Variants in SEMA3C observed in about 807,000 individuals in gnomAD.
SEMA3C encodes semaphorin 3C, also known as semaphorin-3C.
In SEMA3C, 47 loss-of-function variants were observed where a neutral mutation model predicts 89.4. The ratio of observed to expected loss-of-function variants is 0.53; its 90% CI spans 0.42 to 0.67. The LOEUF (loss-of-function observed/expected upper bound fraction) is 0.67. Ranked by LOEUF, SEMA3C falls within the 30% of genes least tolerant of loss-of-function variation. The probability of loss-of-function intolerance (pLI) is 0.00; values close to 1 mark genes in which losing one functional copy is unlikely to be tolerated. For synonymous variants in SEMA3C, 310 were observed against 320.2 expected (o/e 0.97, Z 0.34); for missense variants, 839 against 929.1 (o/e 0.90, Z 1.26).
intron 2 of SEMA3C, among the ~76,000 whole-genome samples, chr7:80,894,548 C>G (rs1204655797): frequency 2.6e-5 from 4 of 152,078 alleles, no homozygotes; most frequent in African/African-American, 9.7e-5. Context: ...GATTTGAACC[C>G]AGTCTGATGC....
chr7:80,879,382 C>T (rs776626601), intron 2 of SEMA3C, among the ~76,000 whole-genome samples: 30 of 152,084 alleles, frequency 2.0e-4, no homozygotes, highest in Non-Finnish European at 3.2e-4. Context: ...ATGAAATAAC[C>T]TTCACAAAAG....
intron 2 of SEMA3C, among the ~76,000 whole-genome samples, chr7:80,906,479 A>C (rs1043034333): frequency 3.9e-5 from 6 of 152,134 alleles, no homozygotes; most frequent in Non-Finnish European, 8.8e-5. Context: ...TGAAGCTTTC[A>C]CCATTTCATG....
intron 9 of SEMA3C, among the ~76,000 whole-genome samples, chr7:80,801,379 T>A (rs912486508): frequency 2.6e-5 from 4 of 152,106 alleles, no homozygotes; most frequent in Non-Finnish European, 4.4e-5. Flanking sequence ...AAATTGCTAG[T>A]GATACTTTTA....
chr7:80,745,852 G>A (rs1787788234), intron 17 of SEMA3C, among the ~76,000 whole-genome samples: 1 of 151,980 alleles, frequency 6.6e-6, no homozygotes, highest in South Asian at 2.1e-4. Context: ...ATTATCAAGG[G>A]CCTTTTTCAA....
intron 2 of SEMA3C, among the ~76,000 whole-genome samples, chr7:80,839,734 G>T (rs191951612): frequency 6.6e-6 from 1 of 152,022 alleles, no homozygotes; most frequent in East Asian, 1.9e-4. Context: ...TCAGACCAAT[G>T]TGTGTGCATT....
At chr7:80,895,140 C>A (rs936212605) in intron 2 of SEMA3C, among the ~76,000 whole-genome samples, 1 of 152,190 alleles carries the variant, frequency 6.6e-6, no homozygotes, top group Non-Finnish European at 1.5e-5. Context: ...AATCCACCTT[C>A]TCTTTGAAAG....
chr7:80,887,241 CAG>C (rs1791504952), intron 2 of SEMA3C, among the ~76,000 whole-genome samples: 1 of 152,112 alleles, frequency 6.6e-6, no homozygotes, highest in Admixed American at 6.5e-5. Flanking sequence ...AATATCTAAA[CAG>C]ATTATGCTCA....
chr7:80,863,694 C>CATATATATGTGATATATATATCACAGAT (rs1790832888), intron 2 of SEMA3C, among the ~76,000 whole-genome samples: 5 of 145,530 alleles, frequency 3.4e-5, no homozygotes, highest in Non-Finnish European at 6.0e-5. Context: ...TATACACACA[C>CATATATATGTGATATATATATCACAGAT]ATATATATGT....
intron 2 of SEMA3C, among the ~76,000 whole-genome samples, chr7:80,830,090 A>C (rs1789975939): frequency 1.3e-5 from 2 of 152,190 alleles, no homozygotes; most frequent in Non-Finnish European, 2.9e-5. Context: ...AGAAGTCACA[A>C]ATTTAACCTA....
chr7:80,905,305 G>A (rs1583997656), intron 2 of SEMA3C, among the ~76,000 whole-genome samples: 1 of 52,200 alleles, frequency 1.9e-5, no homozygotes, highest in South Asian at 1.5e-3. Flanking sequence ...GGGGAGAGAG[G>A]GGGAGAGAGG....
intron 12 of SEMA3C, among the ~76,000 whole-genome samples, chr7:80,783,169 C>T (rs73137725): frequency 0.15 from 22,102 of 152,036 alleles, 1,967 homozygotes; most frequent in Non-Finnish European, 0.2. Flanking sequence ...CAGCAATGAG[C>T]TGTATTTTTA....
At chr7:80,792,778 AATT>A (rs2115606001) in intron 11 of SEMA3C, among the ~76,000 whole-genome samples, 1 of 152,296 alleles carries the variant, frequency 6.6e-6, no homozygotes, top group East Asian at 1.9e-4. Flanking sequence ...TTTTGATAAT[AATT>A]ATTCTATTGA....
intron 12 of SEMA3C, among the ~76,000 whole-genome samples, chr7:80,768,808 C>G (rs1239656743): frequency 1.3e-5 from 2 of 151,512 alleles, no homozygotes; most frequent in Non-Finnish European, 2.9e-5. Flanking sequence ...GTGTGTGTGT[C>G]AATGACCACA....
rs560553116 is a variant in SEMA3C at position 80,913,086 on chromosome 7, G to A, written c.103+3593C>T. On this transcript the variant is annotated intron_variant, in intron 2 of 17. Transcript: ENST00000265361. ...CTAAAAATTCAGCACACACAAAAGG[G>A]AAAATGAATCACAAAGTAAATAAAT... Among the ~76,000 whole-genome samples the A allele has an allele frequency of 3.9e-5, 6 of 152,112 alleles. No individual in the cohort carries two copies. In the East Asian group the frequency reaches 1.2e-3, roughly 30 times the overall value.
chr7:80,783,364 T>A (rs996542909), intron 12 of SEMA3C, among the ~76,000 whole-genome samples: 1 of 152,152 alleles, frequency 6.6e-6, no homozygotes, highest in Non-Finnish European at 1.5e-5. Context: ...AATTCAGCCA[T>A]CGTTCCACTC....
At chr7:80,891,382 C>T (rs1791609475) in intron 2 of SEMA3C, among the ~76,000 whole-genome samples, 1 of 152,104 alleles carries the variant, frequency 6.6e-6, no homozygotes, top group Admixed American at 6.6e-5. Flanking sequence ...CATAATACTT[C>T]TACTGCTTCC....
At chr7:80,881,729 T>C (rs187015223) in intron 2 of SEMA3C, among the ~76,000 whole-genome samples, 2 of 152,304 alleles carry the variant, frequency 1.3e-5, no homozygotes, top group Admixed American at 1.3e-4. Context: ...GAGAATTAGA[T>C]TCATATTGTT....
chr7:80,758,021 A>G lies in SEMA3C; in HGVS notation c.1643+310T>C, dbSNP rs553479682. Among the ~76,000 whole-genome samples, 91 of 152,266 alleles carry G rather than the reference A, an allele frequency of 6.0e-4. 2 individuals are homozygous for G. The South Asian group carries it at 0.018, about 31-fold the overall frequency. ...AAGATATAAATTAGGTGATACAAAAAATGCAAAAAGCTAAATGCTACTTGA... is the reference window on the plus strand; with the variant it reads ...AAGATATAAATTAGGTGATACAAAAGATGCAAAAAGCTAAATGCTACTTGA... On this transcript the variant is annotated intron_variant, in intron 15 of 17. Coordinates refer to ENST00000265361, the MANE Select transcript of SEMA3C (RefSeq NM_006379.5).
intron 11 of SEMA3C, among the ~76,000 whole-genome samples, chr7:80,789,869 A>G (rs1042730566): frequency 2.6e-5 from 4 of 152,214 alleles, no homozygotes; most frequent in Non-Finnish European, 5.9e-5. Flanking sequence ...AACAAAAACT[A>G]GTGGACACAA....
Sources: allele counts gnomAD v4.1 joint callset (sites outside exome capture counted in the v4.1 genomes callset), GRCh38; gene constraint gnomAD v4.1.1; transcripts MANE v1.5; gene names NCBI Gene and HGNC (gene_info 2026-07-23, HGNC 2026-07-21).